The following NALCN variants were observed in gnomAD, a reference collection of about 807,000 sequenced individuals.
NALCN encodes sodium leak channel, non-selective, also known as sodium leak channel NALCN.
NALCN carries 111 observed loss-of-function variants against 225.3 expected under a neutral mutation model. The ratio of observed to expected loss-of-function variants is 0.49; its 90% CI spans 0.42 to 0.58. NALCN has a LOEUF of 0.58. Ranked by LOEUF, NALCN falls within the 20% of genes least tolerant of loss-of-function variation. NALCN has a pLI of 0.00. For missense variants in NALCN, 1,378 were observed against 2,202.4 expected, an observed-to-expected ratio of 0.63 and a Z score of 7.49; for synonymous variants, 764 against 769.0, an observed-to-expected ratio of 0.99 and a Z score of 0.11.
At chr13:101,130,472 G>A (rs1466946665) in intron 17 of NALCN, among the ~76,000 whole-genome samples, 2 of 152,110 alleles carry the variant, frequency 1.3e-5, no homozygotes, top group African/African-American at 4.8e-5. Flanking sequence ...AGTCCCTTTT[G>A]GAGTTCATTT....
At chr13:101,085,437 A>T (rs2033883360) in intron 30 of NALCN, among the ~76,000 whole-genome samples, 1 of 152,198 alleles carries the variant, frequency 6.6e-6, no homozygotes, top group African/African-American at 2.4e-5. Flanking sequence ...ATTAATGGAT[A>T]TGAAAATACA....
At chr13:101,356,548 A>T (rs1304696098) in intron 6 of NALCN, among the ~76,000 whole-genome samples, 2 of 151,374 alleles carry the variant, frequency 1.3e-5, no homozygotes, top group East Asian at 3.8e-4. Context: ...TTAATAGCCT[A>T]CCAACCAAAA....
At position 101,141,464 on chromosome 13, in the gene NALCN, G is replaced by A. The variant is rs77479501; in HGVS notation, c.2118+1616C>T. On this transcript the variant is annotated intron_variant, in intron 17 of 43. Transcript: ENST00000251127. Reference sequence around the variant, plus strand: ...GAATAGCATCTCTAGATGGCTGAAGGAAAATCAACACATGGAAATCCTTGA... The same window carrying A: ...GAATAGCATCTCTAGATGGCTGAAGAAAAATCAACACATGGAAATCCTTGA... 3.5e-3 allele frequency among the ~76,000 whole-genome samples: 530 copies of A among 152,178 alleles called. 4 individuals carry two copies. The highest frequency in any genetic ancestry group is 0.012 in the African/African-American group (510 of 41,508).
intron 17 of NALCN, among the ~76,000 whole-genome samples, chr13:101,137,131 A>G (rs1037661508): frequency 2.0e-5 from 3 of 152,176 alleles, no homozygotes; most frequent in African/African-American, 7.2e-5. Flanking sequence ...CTACTAAAGC[A>G]TTTTTAAGCT....
At chr13:101,103,575 T>C (rs1350403072) in intron 25 of NALCN, among the ~76,000 whole-genome samples, 5 of 152,160 alleles carry the variant, frequency 3.3e-5, no homozygotes, top group Non-Finnish European at 5.9e-5. Flanking sequence ...TGTGTGTGTG[T>C]GTGTACACCA....
At chr13:101,146,558 A>T (rs1177895709) in intron 15 of NALCN, among the ~76,000 whole-genome samples, 1 of 152,238 alleles carries the variant, frequency 6.6e-6, no homozygotes, top group Non-Finnish European at 1.5e-5. Flanking sequence ...GTAGAAAAAT[A>T]CTTGTCAGTG....
chr13:101,341,632 T>G (rs917892093), intron 7 of NALCN, among the ~76,000 whole-genome samples: 3 of 152,212 alleles, frequency 2.0e-5, no homozygotes, highest in African/African-American at 7.2e-5. Flanking sequence ...CAAAGTACAT[T>G]TTTATAGATG....
intron 11 of NALCN, 48 bp downstream of exon 11, chr13:101,258,395 G>A (rs748579936): frequency 3.1e-6 from 5 of 1,611,080 alleles, no homozygotes; most frequent in African/African-American, 2.7e-5. Context: ...ACTGTCCGCG[G>A]TTCACCTGCT....
chr13:101,210,950 G>T (rs2040500146), intron 13 of NALCN, among the ~76,000 whole-genome samples: 1 of 152,078 alleles, frequency 6.6e-6, no homozygotes, highest in African/African-American at 2.4e-5. Flanking sequence ...TGTATTTTTT[G>T]TAGGCAAGAC....
intron 6 of NALCN, among the ~76,000 whole-genome samples, chr13:101,357,851 G>A (rs927217434): frequency 6.6e-6 from 1 of 152,072 alleles, no homozygotes; most frequent in African/African-American, 2.4e-5. Context: ...TAGACCAATG[G>A]AACAGAACAG....
At chr13:101,209,668 G>T (rs1260934933) in intron 13 of NALCN, among the ~76,000 whole-genome samples, 1 of 152,160 alleles carries the variant, frequency 6.6e-6, no homozygotes, top group South Asian at 2.1e-4. Context: ...TCTTTGTCTA[G>T]TGAGTAATAC....
At chr13:101,181,066 G>A in intron 14 of NALCN, 1 of 518,088 alleles carries the variant, frequency 1.9e-6, no homozygotes, top group South Asian at 1.4e-5. Flanking sequence ...CTGGGCACAT[G>A]GGCCAGGGGG....
intron 1 of NALCN, among the ~76,000 whole-genome samples, chr13:101,405,459 T>C (rs1487719496): frequency 2.0e-5 from 3 of 152,182 alleles, no homozygotes; most frequent in Non-Finnish European, 4.4e-5. Context: ...CAGGGCCCAT[T>C]TGAGCCTCAG....
At chr13:101,294,703 T>C (rs1305863588) in intron 7 of NALCN, among the ~76,000 whole-genome samples, 1 of 151,904 alleles carries the variant, frequency 6.6e-6, no homozygotes, top group Non-Finnish European at 1.5e-5. Context: ...GTGAGGGATT[T>C]AGAGTCATTT....
chr13:101,371,642 C>T (rs117294975), intron 6 of NALCN, among the ~76,000 whole-genome samples: 317 of 152,262 alleles, frequency 2.1e-3, no homozygotes, highest in Non-Finnish European at 2.7e-3. Context: ...TTGTATGCCA[C>T]GCACTGATGC....
At chr13:101,096,477 A>G in intron 27 of NALCN, among the ~76,000 whole-genome samples, 1 of 152,198 alleles carries the variant, frequency 6.6e-6, no homozygotes, top group East Asian at 1.9e-4. Context: ...ACAAAAGACC[A>G]TATGTTATGA....
chr13:101,109,137 C>T (rs1013913308), intron 20 of NALCN, among the ~76,000 whole-genome samples: 5 of 152,118 alleles, frequency 3.3e-5, no homozygotes, highest in East Asian at 1.9e-4. Context: ...ATATTGAAGG[C>T]GCTTTGAATG....
chr13:101,239,561 C>A (rs1042008563), intron 11 of NALCN, among the ~76,000 whole-genome samples: 1 of 152,004 alleles, frequency 6.6e-6, no homozygotes, highest in Admixed American at 6.6e-5. Context: ...TATTTATCAG[C>A]TGCATAATTT....
At chr13:101,174,944 C>T (rs2038896915) in intron 15 of NALCN, among the ~76,000 whole-genome samples, 1 of 152,160 alleles carries the variant, frequency 6.6e-6, no homozygotes, top group African/African-American at 2.4e-5. Context: ...TCTACAGCAG[C>T]AGATTTTTAT....
Sources: gnomAD v4.1 joint callset for allele counts (sites outside exome capture counted in the v4.1 genomes callset) on GRCh38, gnomAD v4.1.1 for gene constraint, MANE v1.5 for transcripts, NCBI Gene and HGNC (gene_info 2026-07-23, HGNC 2026-07-21) for gene names.